DNAH3: variants seen among roughly 807,000 people sequenced by gnomAD.
DNAH3 encodes axonemal beta dynein heavy chain 3.
In DNAH3, 332 loss-of-function variants were observed where a neutral mutation model predicts 432.5. The observed-to-expected ratio is 0.77, with a 90% confidence interval of 0.70 to 0.84. The LOEUF (loss-of-function observed/expected upper bound fraction) is 0.84, where lower values mean the gene tolerates loss of function less well. DNAH3 is among the 40% of genes least tolerant of loss of function. DNAH3 has a pLI of 0.00. For missense variants in DNAH3, 4,861 were observed against 5,114.0 expected (o/e 0.95, Z 1.51); for synonymous variants, 1,956 against 1,900.2 (o/e 1.03, Z -0.76).
chr16:21,112,471 G>A (rs139399033), intron 12 of DNAH3, among the ~76,000 whole-genome samples: 7 of 152,168 alleles, frequency 4.6e-5, no homozygotes, highest in Non-Finnish European at 7.4e-5. Context: ...CAAAAGACAC[G>A]TCTTACATGG....
intron 39 of DNAH3, among the ~76,000 whole-genome samples, chr16:21,023,664 C>A (rs2088370467): frequency 6.6e-6 from 1 of 152,072 alleles, no homozygotes; most frequent in African/African-American, 2.4e-5. Flanking sequence ...AATGAGATTG[C>A]AGAGGCAGGC....
intron 39 of DNAH3, among the ~76,000 whole-genome samples, chr16:21,024,287 AAG>A (rs1232264434): frequency 2.6e-5 from 4 of 152,164 alleles, no homozygotes; most frequent in Non-Finnish European, 4.4e-5. Context: ...GCAATGAAGA[AAG>A]AGGTGACATT....
At chr16:20,941,441 T>A in exon 59 of DNAH3, 2 of 1,614,174 alleles carry the variant, frequency 1.2e-6, no homozygotes, top group Non-Finnish European at 1.7e-6. Context: ...ACGGTATTCA[T>A]GGATTCTTCA....
intron 44 of DNAH3, among the ~76,000 whole-genome samples, chr16:20,989,933 G>C (rs1024544061): frequency 6.6e-5 from 10 of 152,220 alleles, no homozygotes; most frequent in Admixed American, 2.6e-4. Flanking sequence ...CGGCTGCTCC[G>C]AGTGCGGGGC....
At chr16:21,151,231 T>C (rs191843882) in intron 1 of DNAH3, among the ~76,000 whole-genome samples, 3 of 152,160 alleles carry the variant, frequency 2.0e-5, no homozygotes, top group African/African-American at 7.2e-5. Context: ...CCCTACTTCA[T>C]AGGGTTGCTT....
At chr16:21,156,985 TAATCTAAGGA>T (rs2092902085) in intron 1 of DNAH3, among the ~76,000 whole-genome samples, 1 of 116,080 alleles carries the variant, frequency 8.6e-6, no homozygotes, top group Non-Finnish European at 1.7e-5. Flanking sequence ...TGGAAGGCTG[TAATCTAAGGA>T]AACACACACA....
intron 29 of DNAH3, 142 bp downstream of exon 29, chr16:21,051,528 C>T: frequency 2.5e-6 from 2 of 810,696 alleles, no homozygotes; most frequent in Non-Finnish European, 3.9e-6. Context: ...TTTGCATGCC[C>T]ATCTTTGGGA....
At chr16:21,030,209 G>A (rs2088804929) in intron 37 of DNAH3, among the ~76,000 whole-genome samples, 1 of 152,124 alleles carries the variant, frequency 6.6e-6, no homozygotes, top group African/African-American at 2.4e-5. Context: ...GGCCTTGTGA[G>A]TTCCTTGACC....
intron 27 of DNAH3, 43 bp downstream of exon 27, chr16:21,058,043 G>A: frequency 1.8e-6 from 2 of 1,129,414 alleles, no homozygotes; most frequent in Non-Finnish European, 2.7e-6. Flanking sequence ...AATCCTAATT[G>A]ATGCTTGGAT....
intron 44 of DNAH3, among the ~76,000 whole-genome samples, chr16:20,991,139 A>G (rs1035320178): frequency 3.9e-5 from 6 of 152,322 alleles, no homozygotes; most frequent in African/African-American, 1.4e-4. Context: ...TCCAAAAGTT[A>G]TCACTCTTCT....
intron 57 of DNAH3, 127 bp from the exon 58 acceptor site, chr16:20,944,790 C>CACAA (rs2083971024): frequency 6.1e-6 from 5 of 826,040 alleles, no homozygotes; most frequent in South Asian, 1.7e-5. Flanking sequence ...CACACACACA[C>CACAA]ACACACACAC....
chr16:21,085,673 A>T (rs2091345315), intron 19 of DNAH3, among the ~76,000 whole-genome samples: 1 of 140,000 alleles, frequency 7.1e-6, no homozygotes, highest in Non-Finnish European at 1.5e-5. Context: ...AAAGACCCTG[A>T]CTCTCTCATG....
At chr16:21,041,900 T>C in intron 32 of DNAH3, 127 bp downstream of exon 32, 2 of 1,035,476 alleles carry the variant, frequency 1.9e-6, no homozygotes, top group Non-Finnish European at 1.5e-6. Flanking sequence ...CTCGAGCTCC[T>C]GACCTCAGGT....
intron 5 of DNAH3, among the ~76,000 whole-genome samples, chr16:21,137,549 A>G (rs537672812): frequency 8.9e-4 from 135 of 151,984 alleles, no homozygotes; most frequent in African/African-American, 3.1e-3. Flanking sequence ...CAGCCTCCCA[A>G]GTAGCTGGGA....
intron 32 of DNAH3, among the ~76,000 whole-genome samples, chr16:21,041,048 G>A (rs1481054233): frequency 6.6e-6 from 1 of 152,034 alleles, no homozygotes; most frequent in Admixed American, 6.6e-5. Context: ...ATGGATGCAG[G>A]GGGTGCTTAC....
intron 18 of DNAH3, among the ~76,000 whole-genome samples, chr16:21,095,883 G>C (rs575456710): frequency 2.5e-4 from 38 of 152,206 alleles, no homozygotes; most frequent in Non-Finnish European, 4.9e-4. Flanking sequence ...TCCTGCCTCA[G>C]CCTCCTGAGT....
chr16:20,944,524 T>C, exon 58 of DNAH3: 1 of 1,614,136 alleles, frequency 6.2e-7, no homozygotes, highest in Non-Finnish European at 8.5e-7. Context: ...TCCTCCTGAC[T>C]GTCTAGGGAG....
At chr16:21,015,764 T>C (rs1357705394) in intron 41 of DNAH3, among the ~76,000 whole-genome samples, 2 of 152,180 alleles carry the variant, frequency 1.3e-5, no homozygotes, top group Non-Finnish European at 1.5e-5. Context: ...AAATGCGATA[T>C]GATTTTCATA....
chr16:21,091,191 T>C (rs2091524366), intron 18 of DNAH3, among the ~76,000 whole-genome samples: 1 of 152,012 alleles, frequency 6.6e-6, no homozygotes, highest in Non-Finnish European at 1.5e-5. Flanking sequence ...ATTTAAAAGT[T>C]CTTAAAGAAT....
Sources: gnomAD v4.1 joint callset for allele counts (sites outside exome capture counted in the v4.1 genomes callset) on GRCh38, gnomAD v4.1.1 for gene constraint, MANE v1.5 for transcripts, NCBI Gene and HGNC (gene_info 2026-07-23, HGNC 2026-07-21) for gene names.